The following SPHKAP variants were observed in gnomAD, a reference collection of about 807,000 sequenced individuals.
SPHKAP encodes the protein A-kinase anchor protein SPHKAP.
Under a neutral mutation model 137.5 loss-of-function variants are expected in SPHKAP, and 67 were observed. The ratio of observed to expected loss-of-function variants is 0.49; its 90% CI spans 0.40 to 0.60. The LOEUF is 0.60. Ranked by LOEUF, SPHKAP falls within the 20% of genes least tolerant of loss-of-function variation. The pLI is 0.00. For missense variants in SPHKAP, 2,097 were observed against 2,069.3 expected, an observed-to-expected ratio of 1.01 and a Z score of -0.26; for synonymous variants, 813 against 785.3, an observed-to-expected ratio of 1.04 and a Z score of -0.59.
At chr2:228,126,084 A>G (rs1377057315) in intron 2 of SPHKAP, among the ~76,000 whole-genome samples, 1 of 152,166 alleles carries the variant, frequency 6.6e-6, no homozygotes, top group Non-Finnish European at 1.5e-5. Context: ...CTCAACAACA[A>G]CAACAAAAAG....
rs939014908 is a variant in SPHKAP, at chr2:228,135,131, G to A, written c.33-3046C>T. Among the ~76,000 whole-genome samples the A allele has an allele frequency of 4.6e-5, 7 of 151,954 alleles. No homozygotes were observed. The East Asian group carries it at 7.7e-4, about 17-fold the overall frequency. ...CTCTACTAAAAATACAAAATTAGCC[G>A]GGCATGGTGGTGCATGCCTGTAATC... On this transcript the variant is annotated intron_variant, in intron 1 of 11. Coordinates refer to ENST00000392056, the MANE Select transcript of SPHKAP (RefSeq NM_001142644.2).
At chr2:228,161,979 C>T (rs1700288905) in intron 1 of SPHKAP, among the ~76,000 whole-genome samples, 1 of 152,136 alleles carries the variant, frequency 6.6e-6, no homozygotes, top group Non-Finnish European at 1.5e-5. Context: ...CATATTCCTT[C>T]AGAAGTACAA....
At chr2:228,129,537 G>T (rs1267852771) in intron 2 of SPHKAP, among the ~76,000 whole-genome samples, 2 of 151,924 alleles carry the variant, frequency 1.3e-5, no homozygotes, top group Non-Finnish European at 2.9e-5. Flanking sequence ...ATGTATTTAG[G>T]TCGGGCCATA....
chr2:228,113,724 T>C (rs1189452704), intron 2 of SPHKAP, among the ~76,000 whole-genome samples: 3 of 151,206 alleles, frequency 2.0e-5, no homozygotes, highest in Non-Finnish European at 3.0e-5. Context: ...GTCCACTAGC[T>C]CCCAGCCTCC....
At position 228,019,042 on chromosome 2, in the gene SPHKAP, A is replaced by G. The variant is rs997384102; in HGVS notation, c.1812T>C (p.Gly604=). Residue 604 remains glycine (G), a synonymous_variant, in exon 7 of 12, where the codon GGT becomes GGC. Coordinates refer to ENST00000392056, the MANE Select transcript of SPHKAP (RefSeq NM_001142644.2). ...CCTTGCCAAGCTCCATGCTTGCTAA[A>G]CCACAAAGTGGGGGCATGGCTTCAG... The part of the protein sequence containing the change: ...EASEAMPPLC[G]LASMELGKEA... 3.7e-6 allele frequency: 6 copies of G among 1,613,976 alleles called. No individual in the cohort carries two copies. The African/African-American group carries it at 8.0e-5, about 22-fold the overall frequency.
chr2:228,010,779 T>G (rs1256845246), intron 7 of SPHKAP, among the ~76,000 whole-genome samples: 1 of 152,186 alleles, frequency 6.6e-6, no homozygotes, highest in Non-Finnish European at 1.5e-5. Flanking sequence ...CTGATGGTAG[T>G]TTGTTTCTTG....
At chr2:228,065,348 G>A (rs1696790847) in intron 3 of SPHKAP, among the ~76,000 whole-genome samples, 1 of 152,284 alleles carries the variant, frequency 6.6e-6, no homozygotes, top group African/African-American at 2.4e-5. Flanking sequence ...TGACAGAAAG[G>A]AGGTACCAGC....
intron 2 of SPHKAP, among the ~76,000 whole-genome samples, chr2:228,124,207 T>C (rs946838690): frequency 3.3e-5 from 5 of 152,142 alleles, no homozygotes; most frequent in African/African-American, 7.2e-5. Flanking sequence ...CTAGAAATAC[T>C]ATTTGACCCA....
At chr2:227,997,027 A>G (rs1693663203) in intron 7 of SPHKAP, among the ~76,000 whole-genome samples, 1 of 152,208 alleles carries the variant, frequency 6.6e-6, no homozygotes, top group East Asian at 1.9e-4. Context: ...TGCCTGGACT[A>G]TAGTGCACCA....
At chr2:228,176,459 A>G (rs1290261515) in intron 1 of SPHKAP, among the ~76,000 whole-genome samples, 1 of 152,248 alleles carries the variant, frequency 6.6e-6, no homozygotes, top group Non-Finnish European at 1.5e-5. Flanking sequence ...ATATCCATAG[A>G]AGATAAGTAT....
intron 3 of SPHKAP, among the ~76,000 whole-genome samples, chr2:228,079,131 G>T (rs960931712): frequency 5.9e-5 from 9 of 152,318 alleles, no homozygotes; most frequent in African/African-American, 1.9e-4. Flanking sequence ...GGTGGGAAAT[G>T]GTTTCAGGAT....
intron 7 of SPHKAP, among the ~76,000 whole-genome samples, chr2:228,007,585 C>T (rs188974716): frequency 4.1e-4 from 63 of 152,118 alleles, no homozygotes; most frequent in African/African-American, 1.3e-3. Context: ...CAGTGCTTGG[C>T]GTATCTCATT....
chr2:228,150,777 G>C (rs1445696339), intron 1 of SPHKAP, among the ~76,000 whole-genome samples: 2 of 151,728 alleles, frequency 1.3e-5, no homozygotes, highest in East Asian at 3.9e-4. Context: ...TGGAGACAGG[G>C]TCTCATTCTG....
At chr2:228,086,416 A>G (rs1345638479) in intron 3 of SPHKAP, among the ~76,000 whole-genome samples, 1 of 152,068 alleles carries the variant, frequency 6.6e-6, no homozygotes. Flanking sequence ...CCAACCAAGA[A>G]TTACTGTATC....
intron 3 of SPHKAP, among the ~76,000 whole-genome samples, chr2:228,104,194 T>C (rs1698262182): frequency 6.8e-6 from 1 of 147,418 alleles, no homozygotes; most frequent in South Asian, 2.1e-4. Context: ...TCTATAATTA[T>C]TATATTATAT....
intron 1 of SPHKAP, among the ~76,000 whole-genome samples, chr2:228,174,192 T>C (rs919872952): frequency 6.6e-6 from 1 of 152,212 alleles, no homozygotes; most frequent in African/African-American, 2.4e-5. Context: ...CACCCATCTT[T>C]GTAGCTGCTT....
At chr2:228,146,964 G>A (rs1699794890) in intron 1 of SPHKAP, among the ~76,000 whole-genome samples, 1 of 152,154 alleles carries the variant, frequency 6.6e-6, no homozygotes, top group Non-Finnish European at 1.5e-5. Flanking sequence ...ATGTTAATAT[G>A]TACCAATCTC....
At chr2:227,987,229 G>A (rs1174906191) in intron 11 of SPHKAP, among the ~76,000 whole-genome samples, 5 of 152,204 alleles carry the variant, frequency 3.3e-5, no homozygotes, top group African/African-American at 1.2e-4. Flanking sequence ...GTGAATAAAT[G>A]TCTGTCCCAC....
chr2:228,035,774 A>G (rs1391379377), intron 3 of SPHKAP, among the ~76,000 whole-genome samples: 1 of 152,220 alleles, frequency 6.6e-6, no homozygotes, highest in African/African-American at 2.4e-5. Context: ...AAAAACAAGC[A>G]ATGGGGAAAG....
Sources: allele counts gnomAD v4.1 joint callset (sites outside exome capture counted in the v4.1 genomes callset), GRCh38; gene constraint gnomAD v4.1.1; transcripts MANE v1.5; gene names NCBI Gene and HGNC (gene_info 2026-07-23, HGNC 2026-07-21).